Variants in EXOC5 observed in about 807,000 individuals in gnomAD.
The protein encoded by EXOC5 is exocyst complex component 5, also known as SEC10-like 1.
In EXOC5, 17 loss-of-function variants were observed where a neutral mutation model predicts 90.8. The ratio of observed to expected loss-of-function variants is 0.19; its 90% CI spans 0.13 to 0.28. EXOC5 has a LOEUF of 0.28. Among genes scored for constraint, EXOC5 ranks in the 10% least tolerant of loss-of-function variants. EXOC5 has a pLI of 1.00. For synonymous variants in EXOC5, 260 were observed against 270.0 expected (o/e 0.96, Z 0.36); for missense variants, 569 against 830.6 (o/e 0.69, Z 3.87).
At position 57,208,529 on chromosome 14, in the gene EXOC5, T is replaced by C. The variant is rs1882728383; in HGVS notation, c.*80A>G. 1 of 1,030,870 alleles carries C rather than the reference T, an allele frequency of 9.7e-7. No homozygotes were observed. Among genetic ancestry groups the C allele is most frequent in the East Asian group, 2.4e-5 (1 of 41,730 alleles). 63.9% of individuals were successfully genotyped at this position (1,030,870 alleles called of 1,614,324 possible). On this transcript the variant is annotated 3_prime_UTR_variant, in exon 18 of 18. Transcript: ENST00000621441. ...TGTGTCATAAGGTATCTCCTGTGCT[T>C]TCTATCAACCGAGGGCTGCTGAAGT...
intron 1 of EXOC5, among the ~76,000 whole-genome samples, chr14:57,258,661 C>T (rs1359412903): frequency 6.6e-6 from 1 of 152,140 alleles, no homozygotes; most frequent in Non-Finnish European, 1.5e-5. Flanking sequence ...CAAACCTGTA[C>T]GTTATGCACA....
At chr14:57,259,421 C>A (rs1411030070) in intron 1 of EXOC5, among the ~76,000 whole-genome samples, 1 of 152,118 alleles carries the variant, frequency 6.6e-6, no homozygotes, top group African/African-American at 2.4e-5. Flanking sequence ...TTATATCTAC[C>A]CTTTAGGGTT....
intron 12 of EXOC5, among the ~76,000 whole-genome samples, chr14:57,227,363 TC>T (rs1883339832): frequency 6.6e-6 from 1 of 152,214 alleles, no homozygotes; most frequent in Non-Finnish European, 1.5e-5. Flanking sequence ...TAACTCTACT[TC>T]ACTCATTTAA....
At position 57,202,207 on chromosome 14, in the gene EXOC5, CAG is replaced by C. The variant is rs1882529314; in HGVS notation, c.*6400_*6401del. 1 of 151,984 alleles carries C rather than the reference CAG, an allele frequency of 6.6e-6. No homozygotes were observed. The highest frequency in any genetic ancestry group is 1.5e-5 in the Non-Finnish European group (1 of 68,000). The allele number at this position is 151,984 out of a possible 1,614,324, so 9.4% of individuals were successfully genotyped here. A position where few individuals can be genotyped will look rare whatever the true frequency, so the allele number is the denominator to read the frequency against. On this transcript the variant is annotated 3_prime_UTR_variant, in exon 18 of 18. Coordinates refer to ENST00000621441, the MANE Select transcript of EXOC5 (RefSeq NM_006544.4). ...CTACCCTATAATCTATAAAAATGTC[CAG>C]AGTCAAAAAAGTCAAGGAAAGACTG...
intron 4 of EXOC5, 130 bp downstream of exon 4, chr14:57,244,035 C>T: frequency 3.2e-6 from 2 of 628,508 alleles, no homozygotes; most frequent in Non-Finnish European, 5.6e-6. Flanking sequence ...CATTTCAGAA[C>T]AATAAAAACT....
At position 57,207,223 on chromosome 14, in the gene EXOC5, T is replaced by C. The variant is rs574261092; in HGVS notation, c.*1386A>G. On this transcript the variant is annotated 3_prime_UTR_variant, in exon 18 of 18. Transcript: ENST00000621441. ...GACTTAGAAGGTTTGGTAAAGTTGA[T>C]GACATTCAGAATAAGGTTCTCAGAA... 65 of 152,532 alleles carry C rather than the reference T, an allele frequency of 4.3e-4. 1 individual carries two copies. The highest frequency in any genetic ancestry group is 1.5e-3 in the African/African-American group (62 of 41,516). 9.4% of individuals were successfully genotyped at this position (152,532 alleles called of 1,614,324 possible).
At position 57,208,812 on chromosome 14, in the gene EXOC5, G is replaced by T. The variant is rs1566723328; in HGVS notation, c.1939-15C>A. ...ACCATTGGAATCTGAATTGAGAGAA[G>T]AAAAAAAGTAACATTGAAACAAAAC... On this transcript the variant is annotated splice_polypyrimidine_tract_variant and intron_variant, in intron 17 of 17. Transcript: ENST00000621441. 6.6e-7 allele frequency: 1 copy of T among 1,505,648 alleles called. No homozygotes were observed. The highest frequency in any genetic ancestry group is 9.0e-7 in the Non-Finnish European group (1 of 1,109,368). 93.3% of individuals were successfully genotyped at this position (1,505,648 alleles called of 1,614,324 possible).
rs1882502664 is a variant in EXOC5 at position 57,201,485 on chromosome 14, TAAACACAC to T, written c.*7116_*7123del. 5 of 121,026 alleles carry T rather than the reference TAAACACAC, an allele frequency of 4.1e-5. No individual in the cohort carries two copies. The highest frequency in any genetic ancestry group is 2.8e-4 in the African/African-American group (5 of 17,702). 7.5% of individuals were successfully genotyped at this position (121,026 alleles called of 1,614,324 possible). A position where few individuals can be genotyped will look rare whatever the true frequency, so the allele number is the denominator to read the frequency against. On this transcript the variant is annotated 3_prime_UTR_variant, in exon 18 of 18. Transcript: ENST00000621441. Reference sequence around the variant, plus strand: ...GCGTGTATATGTACACACACGTGTATAAACACACGTGTATATACACACACATATGTATA... The same window carrying T: ...GCGTGTATATGTACACACACGTGTATGTGTATATACACACACATATGTATA...
rs1806316416 is a variant in EXOC5 at position 57,201,464 on chromosome 14, G to A, written c.*7145C>T. 1.4e-5 allele frequency: 2 copies of A among 142,898 alleles called. No homozygotes were observed. Among genetic ancestry groups the A allele is most frequent in the African/African-American group, 2.8e-5 (1 of 36,088 alleles). 8.9% of individuals were successfully genotyped at this position (142,898 alleles called of 1,614,324 possible). ...CACGTGTGTATATATACACACGCGTGTATATGTACACACACGTGTATAAAC... is the reference window on the plus strand; with the variant it reads ...CACGTGTGTATATATACACACGCGTATATATGTACACACACGTGTATAAAC... On this transcript the variant is annotated 3_prime_UTR_variant, in exon 18 of 18. Coordinates refer to ENST00000621441, the MANE Select transcript of EXOC5 (RefSeq NM_006544.4).
intron 1 of EXOC5, among the ~76,000 whole-genome samples, chr14:57,266,705 T>TTA (rs3049820): frequency 3.4e-5 from 5 of 148,766 alleles, no homozygotes; most frequent in Admixed American, 6.7e-5. Context: ...TATATATACG[T>TTA]TATATATATA....
intron 15 of EXOC5, among the ~76,000 whole-genome samples, chr14:57,217,704 AC>A (rs1425363244): frequency 6.6e-5 from 10 of 152,196 alleles, no homozygotes; most frequent in Admixed American, 3.9e-4. Context: ...CAACTGAAAA[AC>A]GTCACATATT....
chr14:57,210,537 T>C (rs1882798294), intron 15 of EXOC5, among the ~76,000 whole-genome samples: 1 of 152,216 alleles, frequency 6.6e-6, no homozygotes, highest in Non-Finnish European at 1.5e-5. Context: ...ATATATCTTA[T>C]ACATGTAGAC....
rs1882529587 is a variant in EXOC5, at chr14:57,202,213, CAAA to C, written c.*6393_*6395del. 6.6e-6 allele frequency: 1 copy of C among 151,976 alleles called. No individual in the cohort carries two copies. Among genetic ancestry groups the C allele is most frequent in the African/African-American group, 2.4e-5 (1 of 41,394 alleles). The allele number at this position is 151,976 out of a possible 1,614,324, so 9.4% of individuals were successfully genotyped here. A position where few individuals can be genotyped will look rare whatever the true frequency, so the allele number is the denominator to read the frequency against. On this transcript the variant is annotated 3_prime_UTR_variant, in exon 18 of 18. Coordinates refer to ENST00000621441, the MANE Select transcript of EXOC5 (RefSeq NM_006544.4). ...TATAATCTATAAAAATGTCCAGAGT[CAAA>C]AAAGTCAAGGAAAGACTGTGGAACT... is the stretch of plus-strand genomic sequence containing the variant.
chr14:57,223,554 CCCT>C (rs1883218316), intron 12 of EXOC5, among the ~76,000 whole-genome samples: 1 of 152,164 alleles, frequency 6.6e-6, no homozygotes, highest in Admixed American at 6.5e-5. Context: ...CCAATATTCA[CCCT>C]CCTCCTCTAA....
At chr14:57,241,535 T>C (rs913436853) in intron 4 of EXOC5, among the ~76,000 whole-genome samples, 29 of 152,222 alleles carry the variant, frequency 1.9e-4, no homozygotes, top group Non-Finnish European at 1.0e-4. Flanking sequence ...CATTGTGCTA[T>C]TGCAAACTTT....
chr14:57,263,460 A>C (rs2139673235), intron 1 of EXOC5, among the ~76,000 whole-genome samples: 1 of 151,246 alleles, frequency 6.6e-6, no homozygotes, highest in African/African-American at 2.4e-5. Flanking sequence ...ACAGAGCAAA[A>C]CCCTGTCTCA....
intron 5 of EXOC5, among the ~76,000 whole-genome samples, chr14:57,238,241 C>T (rs1246490677): frequency 6.7e-6 from 1 of 149,580 alleles, no homozygotes; most frequent in Non-Finnish European, 1.5e-5. Context: ...CACACACACA[C>T]ACACACACAC....
chr14:57,228,253 T>C (rs910935765), intron 12 of EXOC5, among the ~76,000 whole-genome samples: 2 of 152,124 alleles, frequency 1.3e-5, no homozygotes, highest in Non-Finnish European at 2.9e-5. Flanking sequence ...ACACTGCTGG[T>C]GGGAGTGTAA....
intron 12 of EXOC5, among the ~76,000 whole-genome samples, chr14:57,225,187 A>G (rs1348518848): frequency 6.6e-6 from 1 of 152,250 alleles, no homozygotes; most frequent in Non-Finnish European, 1.5e-5. Flanking sequence ...GACCAACTGG[A>G]GTTTATCAAA....
Sources: gnomAD v4.1 joint callset for allele counts (sites outside exome capture counted in the v4.1 genomes callset) on GRCh38, gnomAD v4.1.1 for gene constraint, MANE v1.5 for transcripts, NCBI Gene and HGNC (gene_info 2026-07-23, HGNC 2026-07-21) for gene names.